MACROD2: variants seen among roughly 807,000 people sequenced by gnomAD.
MACROD2 encodes the protein ADP-ribose glycohydrolase MACROD2.
A neutral mutation model predicts 70.4 loss-of-function variants in MACROD2; 36 were observed. The observed-to-expected ratio is 0.51, with a 90% confidence interval of 0.39 to 0.68. MACROD2 has a LOEUF of 0.68. Among genes scored for constraint, MACROD2 ranks in the 30% least tolerant of loss-of-function variants. MACROD2 has a pLI of 0.00. For missense variants in MACROD2, 496 were observed against 538.4 expected (o/e 0.92, Z 0.78); for synonymous variants, 172 against 178.8 (o/e 0.96, Z 0.30).
intron 5 of MACROD2, among the ~76,000 whole-genome samples, chr20:15,134,682 T>G (rs1401379742): frequency 1.3e-5 from 2 of 151,640 alleles, no homozygotes; most frequent in Non-Finnish European, 2.9e-5. Context: ...GCAAACACAT[T>G]CAAAAGCTAG....
intron 5 of MACROD2, among the ~76,000 whole-genome samples, chr20:14,954,912 T>A (rs2074514868): frequency 9.2e-6 from 1 of 108,270 alleles, no homozygotes; most frequent in African/African-American, 3.9e-5. Flanking sequence ...TTATATTTTA[T>A]ATAATTAAAT....
At chr20:14,694,786 C>T (rs987806507) in intron 5 of MACROD2, among the ~76,000 whole-genome samples, 1 of 152,146 alleles carries the variant, frequency 6.6e-6, no homozygotes, top group African/African-American at 2.4e-5. Flanking sequence ...GACATTTGCT[C>T]ATGTCTCTTT....
At chr20:15,302,820 C>T (rs2146130302) in intron 6 of MACROD2, among the ~76,000 whole-genome samples, 1 of 152,296 alleles carries the variant, frequency 6.6e-6, no homozygotes, top group South Asian at 2.1e-4. Context: ...TAATTTTTTA[C>T]AAACCTGGTG....
At chr20:15,684,438 T>C (rs2050200624) in intron 8 of MACROD2, among the ~76,000 whole-genome samples, 1 of 152,260 alleles carries the variant, frequency 6.6e-6, no homozygotes, top group South Asian at 2.1e-4. Flanking sequence ...CAAATAGCAC[T>C]GTCAGCTTGA....
chr20:16,020,642 C>T (rs2066988654), intron 15 of MACROD2, among the ~76,000 whole-genome samples: 1 of 150,292 alleles, frequency 6.7e-6, no homozygotes, highest in Admixed American at 6.7e-5. Context: ...CATTGATTGT[C>T]TATCTCATAC....
intron 6 of MACROD2, among the ~76,000 whole-genome samples, chr20:15,233,483 C>A (rs1285767407): frequency 6.6e-6 from 1 of 151,960 alleles, no homozygotes; most frequent in African/African-American, 2.4e-5. Flanking sequence ...ATGTTATAGT[C>A]ATACATAATT....
chr20:15,537,330 C>T (rs890336308), intron 8 of MACROD2, among the ~76,000 whole-genome samples: 1 of 152,086 alleles, frequency 6.6e-6, no homozygotes, highest in Admixed American at 6.6e-5. Flanking sequence ...TTATAAATTA[C>T]CCAGTCTTGG....
intron 3 of MACROD2, among the ~76,000 whole-genome samples, chr20:14,216,959 A>C (rs2081628275): frequency 6.6e-6 from 1 of 152,070 alleles, no homozygotes; most frequent in African/African-American, 2.4e-5. Context: ...ATAAAAAATG[A>C]CAGTTTTATT....
chr20:14,873,341 T>C lies in MACROD2; in HGVS notation c.418+188382T>C, dbSNP rs537501421. ...AGGTTTCTTTTTAGAATATTGTCTGTCTGCAACTACAGTCACTTGGATACA... is the reference window on the plus strand; with the variant it reads ...AGGTTTCTTTTTAGAATATTGTCTGCCTGCAACTACAGTCACTTGGATACA... On this transcript the variant is annotated intron_variant, in intron 5 of 17. Transcript: ENST00000684519. Among the ~76,000 whole-genome samples the C allele has an allele frequency of 2.8e-4, 43 of 152,300 alleles. 2 individuals are homozygous for C. The East Asian group carries it at 5.8e-3, about 21-fold the overall frequency.
intron 6 of MACROD2, among the ~76,000 whole-genome samples, chr20:15,327,887 A>G (rs1479824429): frequency 6.6e-6 from 1 of 152,106 alleles, no homozygotes; most frequent in African/African-American, 2.4e-5. Flanking sequence ...TCTACTATGT[A>G]TCAGGGACTG....
chr20:15,870,524 A>G (rs933631255), intron 9 of MACROD2, among the ~76,000 whole-genome samples: 4 of 152,166 alleles, frequency 2.6e-5, no homozygotes, highest in African/African-American at 7.2e-5. Flanking sequence ...GTGATAGGCC[A>G]TGACGGCTCT....
chr20:15,004,386 C>T (rs756660405), intron 5 of MACROD2, among the ~76,000 whole-genome samples: 5 of 152,160 alleles, frequency 3.3e-5, no homozygotes, highest in Admixed American at 6.5e-5. Context: ...GAAGTACTGT[C>T]ATAGAAGTGT....
At chr20:15,292,467 C>A (rs1216740405) in intron 6 of MACROD2, among the ~76,000 whole-genome samples, 1 of 152,176 alleles carries the variant, frequency 6.6e-6, no homozygotes, top group African/African-American at 2.4e-5. Flanking sequence ...CAATTTGTAA[C>A]AACCCATGGG....
intron 3 of MACROD2, among the ~76,000 whole-genome samples, chr20:14,174,724 A>G (rs1302438800): frequency 6.6e-6 from 1 of 152,156 alleles, no homozygotes; most frequent in East Asian, 1.9e-4. Context: ...TGAAATTGTT[A>G]CAAAGTTTAG....
chr20:15,531,825 A>G (rs1395907174), intron 8 of MACROD2, among the ~76,000 whole-genome samples: 1 of 152,194 alleles, frequency 6.6e-6, no homozygotes, highest in Non-Finnish European at 1.5e-5. Flanking sequence ...CTAAATGAAT[A>G]TTGGTTACAT....
chr20:15,165,083 A>G (rs1568611544), intron 5 of MACROD2, among the ~76,000 whole-genome samples: 2 of 152,124 alleles, frequency 1.3e-5, no homozygotes, highest in African/African-American at 4.8e-5. Context: ...TTGATCAACA[A>G]ATATATATAT....
At chr20:15,909,394 G>C (rs763708680) in intron 10 of MACROD2, among the ~76,000 whole-genome samples, 8 of 152,068 alleles carry the variant, frequency 5.3e-5, no homozygotes, top group African/African-American at 9.7e-5. Context: ...CCTTTTGAAG[G>C]AGAATGTCAA....
chr20:15,616,182 C>A (rs561104794), intron 8 of MACROD2, among the ~76,000 whole-genome samples: 3 of 149,132 alleles, frequency 2.0e-5, no homozygotes, highest in Non-Finnish European at 3.0e-5. Context: ...CGGCCCACTG[C>A]GCCCTCTGTC....
intron 3 of MACROD2, among the ~76,000 whole-genome samples, chr20:14,401,428 T>A (rs2083636963): frequency 6.6e-6 from 1 of 152,220 alleles, no homozygotes; most frequent in South Asian, 2.1e-4. Context: ...TGTTACTGTA[T>A]GCTTTCTTTA....
Sources: gnomAD v4.1 joint callset for allele counts (sites outside exome capture counted in the v4.1 genomes callset) on GRCh38, gnomAD v4.1.1 for gene constraint, MANE v1.5 for transcripts, NCBI Gene and HGNC (gene_info 2026-07-23, HGNC 2026-07-21) for gene names.